Variants in KSR1 observed in about 807,000 individuals in gnomAD.
The protein encoded by KSR1 is kinase suppressor of ras 1.
In KSR1, 35 loss-of-function variants were observed where a neutral mutation model predicts 92.9. That is an observed-to-expected ratio of 0.38 (90% CI 0.29 to 0.50). The LOEUF is 0.50. Ranked by LOEUF, KSR1 falls within the 20% of genes least tolerant of loss-of-function variation. The probability of loss-of-function intolerance (pLI) is 0.94; values close to 1 mark genes in which losing one functional copy is unlikely to be tolerated. For missense variants in KSR1, 972 were observed against 1,158.5 expected, an observed-to-expected ratio of 0.84 and a Z score of 2.34; for synonymous variants, 467 against 472.6, an observed-to-expected ratio of 0.99 and a Z score of 0.15.
intron 1 of KSR1, among the ~76,000 whole-genome samples, chr17:27,528,986 A>G (rs748205183): frequency 3.9e-5 from 6 of 152,188 alleles, no homozygotes; most frequent in Non-Finnish European, 8.8e-5. Flanking sequence ...AAAAAACTCC[A>G]TTTATTATTC....
chr17:27,567,067 A>G (rs1409567824), intron 2 of KSR1, among the ~76,000 whole-genome samples: 2 of 152,184 alleles, frequency 1.3e-5, no homozygotes, highest in Non-Finnish European at 2.9e-5. Flanking sequence ...CTTAATCTCT[A>G]TGAAGCTCAG....
chr17:27,466,597 C>T (rs1032679630), intron 1 of KSR1, among the ~76,000 whole-genome samples: 1 of 152,202 alleles, frequency 6.6e-6, no homozygotes, highest in Non-Finnish European at 1.5e-5. Flanking sequence ...AAGAGAAATG[C>T]AGATGGCTGT....
intron 2 of KSR1, among the ~76,000 whole-genome samples, chr17:27,564,337 G>A (rs1598037221): frequency 6.6e-6 from 1 of 152,270 alleles, no homozygotes; most frequent in Non-Finnish European, 1.5e-5. Context: ...ATGGACAAAT[G>A]GAAGAATGAC....
chr17:27,578,234 G>A (rs1175573766), intron 3 of KSR1: 2 of 159,544 alleles, frequency 1.3e-5, no homozygotes, highest in East Asian at 1.9e-4. Context: ...ACATAGATAA[G>A]GCATTAAAAT....
chr17:27,605,770 A>C lies in KSR1; in HGVS notation c.1951A>C (p.Met651Leu), dbSNP rs776693370. The change falls in exon 14 of 21, where the codon ATG becomes CTG. Residue 651 changes from methionine to leucine, a missense_variant. This residue lies in a region of KSR1 where 260 missense variants were observed against 375.2 expected (regional missense o/e 0.69). Transcript: ENST00000644974. ...QTRHENVVLF[M>L]GACMNPPHLA... ...GCGGCATGAGAACGTGGTGCTCTTCATGGGGGCCTGCATGAACCCGCCCCA... is the reference window on the plus strand; with the variant it reads ...GCGGCATGAGAACGTGGTGCTCTTCCTGGGGGCCTGCATGAACCCGCCCCA... 2 of 1,612,712 alleles carry C rather than the reference A, an allele frequency of 1.2e-6. No homozygotes were observed. The highest frequency in any genetic ancestry group is 1.7e-6 in the Non-Finnish European group (2 of 1,179,826).
intron 1 of KSR1, among the ~76,000 whole-genome samples, chr17:27,466,631 A>G (rs1010166457): frequency 3.3e-5 from 5 of 152,198 alleles, no homozygotes; most frequent in Non-Finnish European, 7.3e-5. Context: ...CTTGGGCTGC[A>G]GGGGGTTTGG....
Position 27,609,184 on chromosome 17 carries a change from T to C in KSR1, c.2092-12T>C. 1 of 1,611,552 alleles carries C rather than the reference T, an allele frequency of 6.2e-7. No individual in the cohort carries two copies. ...CGTTGCACATCTTCACTCCTCCTGA[T>C]GTGTCCTCCAGGGCATGGGATATCT... On this transcript the variant is annotated splice_polypyrimidine_tract_variant and intron_variant, in intron 15 of 20. Transcript: ENST00000644974.
At chr17:27,458,134 T>C (rs1384948850) in intron 1 of KSR1, among the ~76,000 whole-genome samples, 1 of 152,154 alleles carries the variant, frequency 6.6e-6, no homozygotes, top group Non-Finnish European at 1.5e-5. Flanking sequence ...TATTATTTTT[T>C]ATTACAGTTG....
chr17:27,516,013 A>C (rs1270613125), intron 1 of KSR1, among the ~76,000 whole-genome samples: 1 of 152,152 alleles, frequency 6.6e-6, no homozygotes, highest in Admixed American at 6.5e-5. Flanking sequence ...CATTCAACAT[A>C]GCTTCCTCCT....
chr17:27,553,503 G>T (rs551698276), intron 2 of KSR1, among the ~76,000 whole-genome samples: 66 of 152,332 alleles, frequency 4.3e-4, no homozygotes, highest in African/African-American at 1.5e-3. Context: ...GGTACCAAGG[G>T]TGTCCTCACC....
chr17:27,621,388 C>CCCATCTTTGCACTTTGT (rs2074219900), intron 20 of KSR1, 115 bp downstream of exon 20: 1 of 395,946 alleles, frequency 2.5e-6, no homozygotes, highest in Non-Finnish European at 4.4e-6. Flanking sequence ...CATTTATTCT[C>CCCATCTTTGCACTTTGT]GCAAACCAAA....
chr17:27,616,550 TA>T (rs1019341867), intron 18 of KSR1, among the ~76,000 whole-genome samples: 2 of 152,222 alleles, frequency 1.3e-5, no homozygotes, highest in African/African-American at 4.8e-5. Flanking sequence ...TTGATCTGCT[TA>T]TCTTTGATCT....
At chr17:27,607,838 C>A in intron 14 of KSR1, 76 bp from the exon 15 acceptor site, 1 of 1,066,690 alleles carries the variant, frequency 9.4e-7, no homozygotes, top group South Asian at 1.4e-5. Context: ...CACAGTTCTC[C>A]CCATGGGCTC....
At chr17:27,533,604 G>A (rs781565382) in intron 1 of KSR1, among the ~76,000 whole-genome samples, 22 of 152,102 alleles carry the variant, frequency 1.4e-4, no homozygotes, top group Non-Finnish European at 1.3e-4. Context: ...GAATGGTCTC[G>A]ATCTCTTGAC....
chr17:27,533,972 T>C (rs981464149), intron 1 of KSR1, among the ~76,000 whole-genome samples: 5 of 152,144 alleles, frequency 3.3e-5, no homozygotes, highest in African/African-American at 1.2e-4. Flanking sequence ...CACGTGTGTG[T>C]GTGTCTTTTT....
rs143157091 is a variant in KSR1 at position 27,620,984 on chromosome 17, G to A, written c.2628-209G>A. On this transcript the variant is annotated intron_variant, in intron 19 of 20. Coordinates refer to ENST00000644974, the MANE Select transcript of KSR1 (RefSeq NM_001394583.1). ...TGTTCACAGTGTTTACTTTCTACAC[G>A]CTTGCCCCCTAATTCTCACTTTCTC... The A allele has an allele frequency of 1.6e-3, 620 of 382,780 alleles. 2 individuals are homozygous for A. Among genetic ancestry groups the A allele is most frequent in the African/African-American group, 0.011 (528 of 48,366 alleles). 23.7% of individuals were successfully genotyped at this position (382,780 alleles called of 1,614,324 possible). A position where few individuals can be genotyped will look rare whatever the true frequency, so the allele number is the denominator to read the frequency against.
intron 11 of KSR1, among the ~76,000 whole-genome samples, chr17:27,603,465 C>T (rs1301685433): frequency 6.6e-6 from 1 of 152,252 alleles, no homozygotes; most frequent in Non-Finnish European, 1.5e-5. Flanking sequence ...CTTTAGCCAG[C>T]CTGTCCAGTA....
chr17:27,488,946 G>A (rs1244357149), intron 1 of KSR1, among the ~76,000 whole-genome samples: 1 of 152,220 alleles, frequency 6.6e-6, no homozygotes, highest in Non-Finnish European at 1.5e-5. Context: ...CCTGGCGACA[G>A]AGCAAGACTC....
chr17:27,603,963 T>C (rs2073660622), intron 12 of KSR1, 75 bp downstream of exon 12: 2 of 1,431,640 alleles, frequency 1.4e-6, no homozygotes, highest in East Asian at 4.6e-5. Context: ...CCTGGCCACC[T>C]CCCACTCCAC....
Sources: gnomAD v4.1 joint callset for allele counts (sites outside exome capture counted in the v4.1 genomes callset) on GRCh38, gnomAD v4.1.1 for gene constraint, gnomAD v4.1.1 regional missense constraint, MANE v1.5 for transcripts, NCBI Gene and HGNC (gene_info 2026-07-23, HGNC 2026-07-21) for gene names.